MAN1B1: variants seen among roughly 807,000 people sequenced by gnomAD.
MAN1B1 encodes the protein mannosidase alpha class 1B member 1.
Under a neutral mutation model 75.5 loss-of-function variants are expected in MAN1B1, and 66 were observed. The observed-to-expected ratio is 0.87, with a 90% CI of 0.72 to 1.07. MAN1B1 has a LOEUF of 1.07. Ranked by LOEUF, MAN1B1 falls within the 50% of genes least tolerant of loss-of-function variation. The pLI is 0.00. For synonymous variants in MAN1B1, 453 were observed against 382.8 expected (o/e 1.18, Z -2.14); for missense variants, 973 against 912.5 (o/e 1.07, Z -0.85).
chr9:137,098,385 C>G (rs1040680761), intron 5 of MAN1B1, among the ~76,000 whole-genome samples: 2 of 152,228 alleles, frequency 1.3e-5, no homozygotes, highest in Non-Finnish European at 1.5e-5. Context: ...CGATAAGCCA[C>G]TCACCCTCCC....
intron 3 of MAN1B1, 58 bp from the exon 4 acceptor site, chr9:137,096,179 G>A: frequency 1.3e-6 from 2 of 1,599,402 alleles, no homozygotes; most frequent in South Asian, 1.1e-5. Context: ...CCCATAGAGG[G>A]AAAGAAGGGC....
At position 137,106,767 on chromosome 9, in the gene MAN1B1, C is replaced by T. The variant is rs199545449; in HGVS notation, c.1524C>T (p.Thr508=). The T allele has an allele frequency of 1.2e-5, 19 of 1,613,394 alleles. No individual in the cohort carries two copies. Among genetic ancestry groups the T allele is most frequent in the Admixed American group, 1.7e-5 (1 of 60,012 alleles). Residue 508 remains threonine (T), a synonymous_variant, in exon 10 of 13, where the codon ACC becomes ACT. Coordinates refer to ENST00000371589, the MANE Select transcript of MAN1B1 (RefSeq NM_016219.5). ...GGCACTCCGAGCCCAGTAAGCTCAC[C>T]TTTGTGGGGGAGCTTGCCCACGGCC... ...LLRHSEPSKL[T]FVGELAHGRF...
intron 3 of MAN1B1, among the ~76,000 whole-genome samples, chr9:137,094,673 G>A (rs764879185): frequency 6.6e-6 from 1 of 151,800 alleles, no homozygotes; most frequent in Non-Finnish European, 1.5e-5. Context: ...GAGACCAGGA[G>A]TTCAAAACCA....
At chr9:137,107,030 C>T (rs926736504) in intron 10 of MAN1B1, 24 of 749,246 alleles carry the variant, frequency 3.2e-5, no homozygotes, top group African/African-American at 2.8e-4. Context: ...GCTCCCTCCC[C>T]GTGCCCGGTG....
In MAN1B1 at chr9:137,107,436, G is replaced by A. The variant is rs150734795; in HGVS notation, c.1753G>A (p.Val585Met). The change falls in exon 11 of 13, where the codon GTG becomes ATG. Residue 585 changes from valine to methionine, a missense_variant. Coordinates refer to ENST00000371589, the MANE Select transcript of MAN1B1 (RefSeq NM_016219.5). The stretch of plus-strand genomic sequence containing the variant: ...TTACCCCCAGCCGGGCCGTCGGGAC[G>A]TGGAGGTCAAGGTGGGCCTGGGCCT... The part of the protein sequence containing the change: ...NLYPQPGRRD[V>M]EVKPADRHNL... 306 of 1,613,424 alleles carry A rather than the reference G, an allele frequency of 1.9e-4. No homozygotes were observed. Among genetic ancestry groups the A allele is most frequent in the South Asian group, 8.7e-4 (79 of 91,086 alleles).
rs184513927 is a variant in MAN1B1 at position 137,090,965 on chromosome 9, C to T, written c.465+1960C>T. On this transcript the variant is annotated intron_variant, in intron 3 of 12. Transcript: ENST00000371589. ...CTCCTTTCAAAGGCAGCATTCCTGT[C>T]GCTGAGCAGCTTCTCCAAGGGTGGT... Among the ~76,000 whole-genome samples the T allele has an allele frequency of 8.9e-4, 136 of 152,304 alleles. 2 individuals are homozygous for T. In the East Asian group the frequency reaches 0.018, roughly 20 times the overall value.
At chr9:137,088,047 G>C in intron 1 of MAN1B1, 28 bp from the exon 2 acceptor site, 1 of 1,547,028 alleles carries the variant, frequency 6.5e-7, no homozygotes, top group Non-Finnish European at 8.9e-7. Context: ...TATTCAGTAA[G>C]AAATGTCATT....
In MAN1B1 at chr9:137,099,119, C is replaced by T. The variant is rs539976619; in HGVS notation, c.731-577C>T. ...TACTGGGATTACAGGCGGGAGCCAC[C>T]GTGCCCAGCCAAAAAAATTTAAAAA... On this transcript the variant is annotated intron_variant, in intron 5 of 12. Transcript: ENST00000371589. 7.9e-5 allele frequency among the ~76,000 whole-genome samples: 12 copies of T among 152,306 alleles called. No homozygotes were observed. In the South Asian group the frequency reaches 1.9e-3, roughly 24 times the overall value.
chr9:137,107,130 G>A, intron 10 of MAN1B1, 120 bp from the exon 11 acceptor site: 1 of 1,114,818 alleles, frequency 9.0e-7, no homozygotes, highest in Non-Finnish European at 1.3e-6. Context: ...CCCTCGCGTG[G>A]CCTCCCCTCC....
chr9:137,087,762 G>A (rs1431806870), intron 1 of MAN1B1, among the ~76,000 whole-genome samples: 1 of 152,078 alleles, frequency 6.6e-6, no homozygotes, highest in African/African-American at 2.4e-5. Flanking sequence ...TCTTATCCTC[G>A]TCTCATCTGC....
At chr9:137,105,877 A>G in intron 8 of MAN1B1, 3 of 659,582 alleles carry the variant, frequency 4.5e-6, no homozygotes, top group South Asian at 4.5e-5. Context: ...AAGATGGGTC[A>G]GCTCTGTGGT....
intron 12 of MAN1B1, 161 bp from the exon 13 acceptor site, chr9:137,108,227 A>G: frequency 1.5e-6 from 1 of 678,820 alleles, no homozygotes; most frequent in South Asian, 1.7e-5. Context: ...CTCCGGTGGA[A>G]CCACACGGCT....
At chr9:137,099,087 C>A (rs147581449) in intron 5 of MAN1B1, among the ~76,000 whole-genome samples, 2,281 of 152,238 alleles carry the variant, frequency 0.015, 50 homozygotes, top group African/African-American at 0.05. Flanking sequence ...ACCTCGGCCT[C>A]CCAGAGTACT....
chr9:137,103,974 C>T (rs949934494), intron 8 of MAN1B1: 50 of 442,608 alleles, frequency 1.1e-4, no homozygotes, highest in African/African-American at 9.3e-4. Flanking sequence ...CACATTCATG[C>T]TGTTGCAGGC....
chr9:137,101,706 C>G, intron 8 of MAN1B1, 34 bp downstream of exon 8: 1 of 1,596,656 alleles, frequency 6.3e-7, no homozygotes, highest in South Asian at 1.1e-5. Context: ...GGATGCGCCT[C>G]CCCTGGAGCT....
chr9:137,097,979 G>A, intron 5 of MAN1B1, 42 bp downstream of exon 5: 1 of 1,455,548 alleles, frequency 6.9e-7, no homozygotes, highest in Non-Finnish European at 9.4e-7. Flanking sequence ...GGCGCTCAGG[G>A]GCTGGTGGCT....
At position 137,108,607 on chromosome 9, in the gene MAN1B1, G is replaced by C. The variant is rs1344850154; in HGVS notation, c.*16G>C. The C allele has an allele frequency of 3.1e-6, 5 of 1,612,920 alleles. No individual in the cohort carries two copies. The highest frequency in any genetic ancestry group is 4.2e-6 in the Non-Finnish European group (5 of 1,179,570). On this transcript the variant is annotated 3_prime_UTR_variant, in exon 13 of 13. Transcript: ENST00000371589. ...CCCTGCCTAGGGTGGATGGCTGCTG[G>C]TGTGGGGACTTCGGGTGGGCAGAGG...
Position 137,101,118 on chromosome 9 carries a change from C to G in MAN1B1, c.1030C>G (p.His344Asp), listed in dbSNP as rs1439632884. The change falls in exon 7 of 13, where the codon CAC becomes GAC. Residue 344 changes from histidine (H) to aspartate (D), a missense_variant. Transcript: ENST00000371589. ...CCTGGGGGGGCTCCTGAGTGCCTAC[C>G]ACCTGTCTGGGGACAGCCTCTTCCT... ...RILGGLLSAY[H>D]LSGDSLFLRK... 2.5e-6 allele frequency: 4 copies of G among 1,614,018 alleles called. No individual in the cohort carries two copies. In the South Asian group the frequency reaches 3.3e-5, roughly 13 times the overall value.
Position 137,107,645 on chromosome 9 carries a change from T to G in MAN1B1, c.1879T>G (p.Phe627Val), listed in dbSNP as rs770540904. 8 of 1,609,670 alleles carry G rather than the reference T, an allele frequency of 5.0e-6. No homozygotes were observed. In the South Asian group the frequency reaches 7.7e-5, roughly 15 times the overall value. ...CTGGGGCTGGGAGATTCTGCAGAGCTTCAGCCGATTCACACGGGTGAGCAC... is the reference window on the plus strand; with the variant it reads ...CTGGGGCTGGGAGATTCTGCAGAGCGTCAGCCGATTCACACGGGTGAGCAC... ...QDWGWEILQSFSRFTRVPSGG... is the reference protein window; with the variant it reads ...QDWGWEILQSVSRFTRVPSGG... The change falls in exon 12 of 13, where the codon TTC becomes GTC. Residue 627 changes from phenylalanine to valine, a missense_variant. Physicochemically the swap from Phe to Val is conservative, Grantham distance 50. Transcript: ENST00000371589.
Sources: allele counts gnomAD v4.1 joint callset (sites outside exome capture counted in the v4.1 genomes callset), GRCh38; gene constraint gnomAD v4.1.1; transcripts MANE v1.5; gene names NCBI Gene and HGNC (gene_info 2026-07-23, HGNC 2026-07-21).